The following USP34 variants were observed in gnomAD, a reference collection of about 807,000 sequenced individuals.
USP34 encodes the protein ubiquitin specific peptidase 34, also known as ubiquitin carboxyl-terminal hydrolase 34.
A neutral mutation model predicts 460.3 loss-of-function variants in USP34; 70 were observed. That is an observed-to-expected ratio of 0.15 (90% confidence interval 0.13 to 0.19). The LOEUF (loss-of-function observed/expected upper bound fraction) is 0.19. Among genes scored for constraint, USP34 ranks in the 10% least tolerant of loss-of-function variants. USP34 has a pLI of 1.00. For synonymous variants in USP34, 1,647 were observed against 1,405.3 expected, an observed-to-expected ratio of 1.17 and a Z score of -3.85; for missense variants, 3,985 against 4,236.2, an observed-to-expected ratio of 0.94 and a Z score of 1.65.
chr2:61,359,477 T>G (rs137987069), intron 10 of USP34, among the ~76,000 whole-genome samples: 4 of 152,210 alleles, frequency 2.6e-5, no homozygotes, highest in Non-Finnish European at 4.4e-5. Flanking sequence ...AATCTTTTTT[T>G]AAAAACCCTT....
chr2:61,335,046 C>A (rs1572944220), intron 18 of USP34, among the ~76,000 whole-genome samples: 1 of 152,106 alleles, frequency 6.6e-6, no homozygotes, highest in Non-Finnish European at 1.5e-5. Context: ...AGCACTAAAA[C>A]ATTTTATTAA....
intron 35 of USP34, 38 bp downstream of exon 35, chr2:61,284,837 T>A (rs1216340652): frequency 6.1e-6 from 9 of 1,474,652 alleles, no homozygotes; most frequent in Non-Finnish European, 7.4e-6. Flanking sequence ...ATATTCCTGC[T>A]ATACATACAC....
chr2:61,301,522 G>A, intron 27 of USP34, 68 bp from the exon 28 acceptor site: 2 of 1,382,660 alleles, frequency 1.4e-6, no homozygotes, highest in East Asian at 2.3e-5. Flanking sequence ...ATAAGAATAT[G>A]TAGTTGTAGC....
At chr2:61,230,061 A>G (rs1572853481) in intron 58 of USP34, among the ~76,000 whole-genome samples, 3 of 31,998 alleles carry the variant, frequency 9.4e-5, no homozygotes, top group Non-Finnish European at 2.3e-4. Context: ...CAATCACATG[A>G]AAAAAATGTG....
Position 61,319,214 on chromosome 2 carries a change from C to T in USP34, c.3127G>A (p.Ala1043Thr), listed in dbSNP as rs755400806. The T allele has an allele frequency of 6.3e-7, 1 of 1,586,556 alleles. No individual in the cohort carries two copies. Among genetic ancestry groups the T allele is most frequent in the African/African-American group, 1.4e-5 (1 of 73,460 alleles). Residue 1043 changes from alanine to threonine, a missense_variant, in exon 22 of 80, where the codon GCT (alanine) becomes ACT (threonine). Physicochemically the swap from Ala to Thr is moderately conservative, Grantham distance 58. Coordinates refer to ENST00000398571, the MANE Select transcript of USP34 (RefSeq NM_014709.4). The stretch of plus-strand genomic sequence containing the variant: ...TGTTTGTAGGTTTCCATACCCATAG[C>T]ATGTTGATCTTTACTTCGAACTTGA... ...LNQVRSKDQHAMGMETYKHLF... is the reference protein window; with the variant it reads ...LNQVRSKDQHTMGMETYKHLF...
rs1177733032 is a variant in USP34, at chr2:61,348,133, G to A, written c.2022C>T (p.Asp674=). The A allele has an allele frequency of 6.2e-7, 1 of 1,614,162 alleles. No individual in the cohort carries two copies. Among genetic ancestry groups the A allele is most frequent in the South Asian group, 1.1e-5 (1 of 91,082 alleles). The change falls in exon 15 of 80, where the codon GAC becomes GAT. Residue 674 remains aspartate (D), a synonymous_variant. Transcript: ENST00000398571. ...GCAATGATTCAGTGTTAAAAACCAGGTCCTTTCCTGTTCCGCTGCTTGTCC... is the reference window on the plus strand; with the variant it reads ...GCAATGATTCAGTGTTAAAAACCAGATCCTTTCCTGTTCCGCTGCTTGTCC... ...RNGTSSGTGK[D]LVFNTESLPS...
At chr2:61,425,953 G>C (rs537026815) in intron 1 of USP34, among the ~76,000 whole-genome samples, 11 of 151,982 alleles carry the variant, frequency 7.2e-5, no homozygotes, top group East Asian at 3.9e-4. Flanking sequence ...AGCAAGACAG[G>C]GCACCGCTCA....
intron 7 of USP34, 99 bp from the exon 8 acceptor site, chr2:61,378,523 T>A: frequency 7.6e-6 from 5 of 660,800 alleles, no homozygotes; most frequent in Non-Finnish European, 1.3e-5. Flanking sequence ...CATATGTAGA[T>A]CACAATAACT....
At chr2:61,202,808 G>A (rs1294918678) in intron 75 of USP34, among the ~76,000 whole-genome samples, 1 of 152,046 alleles carries the variant, frequency 6.6e-6, no homozygotes, top group Admixed American at 6.6e-5. Context: ...CCACCTCTAC[G>A]CCTGCCTCCC....
At chr2:61,372,954 C>T (rs1047663556) in intron 8 of USP34, among the ~76,000 whole-genome samples, 3 of 152,120 alleles carry the variant, frequency 2.0e-5, no homozygotes, top group South Asian at 4.1e-4. Context: ...TCCACATCTA[C>T]ACATATTGTA....
chr2:61,376,901 C>A (rs570260734), intron 8 of USP34, among the ~76,000 whole-genome samples: 3 of 152,368 alleles, frequency 2.0e-5, no homozygotes, highest in South Asian at 4.1e-4. Context: ...GCCTCAGCCT[C>A]CCAAAGTGCT....
intron 18 of USP34, among the ~76,000 whole-genome samples, chr2:61,336,406 G>A (rs1022827525): frequency 2.6e-4 from 40 of 151,738 alleles, no homozygotes; most frequent in Admixed American, 1.3e-3. Context: ...ACTTACACGC[G>A]TGAGACACTG....
At chr2:61,195,867 T>C (rs545992871) in intron 75 of USP34, among the ~76,000 whole-genome samples, 38 of 152,048 alleles carry the variant, frequency 2.5e-4, no homozygotes, top group Non-Finnish European at 5.3e-4. Context: ...TCTCTAGTCA[T>C]TTCTCCCCTA....
intron 26 of USP34, 46 bp from the exon 27 acceptor site, chr2:61,311,733 T>C: frequency 6.2e-7 from 1 of 1,610,280 alleles, no homozygotes; most frequent in Admixed American, 1.7e-5. Flanking sequence ...AAAGAACAGA[T>C]ATTTGACCTG....
chr2:61,463,906 C>T (rs1224651989), intron 1 of USP34, among the ~76,000 whole-genome samples: 2 of 152,040 alleles, frequency 1.3e-5, no homozygotes, highest in Non-Finnish European at 2.9e-5. Context: ...ACATGTGACC[C>T]TAAGCAAGTC....
At chr2:61,247,759 A>C (rs985531051) in intron 49 of USP34, among the ~76,000 whole-genome samples, 10 of 152,156 alleles carry the variant, frequency 6.6e-5, no homozygotes, top group African/African-American at 2.2e-4. Flanking sequence ...CCACTTCTTA[A>C]CTTCACCTGT....
chr2:61,366,817 G>A (rs925993335), intron 10 of USP34, among the ~76,000 whole-genome samples: 1 of 152,138 alleles, frequency 6.6e-6, no homozygotes, highest in African/African-American at 2.4e-5. Flanking sequence ...GGAGTGCAAC[G>A]CAGGAGGATC....
At chr2:61,285,572 A>T (rs1689664257) in intron 34 of USP34, among the ~76,000 whole-genome samples, 1 of 152,262 alleles carries the variant, frequency 6.6e-6, no homozygotes, top group East Asian at 1.9e-4. Flanking sequence ...AATAGTCTTT[A>T]CATTCGATTC....
At position 61,233,411 on chromosome 2, in the gene USP34, TAAC is replaced by T. The variant is rs973319880; in HGVS notation, c.7033-882_7033-880del. On this transcript the variant is annotated intron_variant, in intron 57 of 79. Transcript: ENST00000398571. ...TAACTTTTATAGATTAAGGAAGACTTAACAAACAGATGAATGCAAAATGTGGAA... is the reference window on the plus strand; with the variant it reads ...TAACTTTTATAGATTAAGGAAGACTTAAACAGATGAATGCAAAATGTGGAA... Among the ~76,000 whole-genome samples, 211 of 152,268 alleles carry T rather than the reference TAAC, an allele frequency of 1.4e-3. 4 individuals are homozygous for T. The highest frequency in any genetic ancestry group is 0.014 in the Admixed American group (207 of 15,294).
Sources: gnomAD v4.1 joint callset for allele counts (sites outside exome capture counted in the v4.1 genomes callset) on GRCh38, gnomAD v4.1.1 for gene constraint, MANE v1.5 for transcripts, NCBI Gene and HGNC (gene_info 2026-07-23, HGNC 2026-07-21) for gene names.